FAM186A: variants seen among roughly 807,000 people sequenced by gnomAD.
FAM186A encodes protein FAM186A.
A neutral mutation model predicts 216.8 loss-of-function variants in FAM186A; 163 were observed. The observed-to-expected ratio is 0.75, with a 90% CI of 0.66 to 0.86. The LOEUF (loss-of-function observed/expected upper bound fraction) is 0.86, where lower values mean the gene tolerates loss of function less well. Ranked by LOEUF, FAM186A falls within the 40% of genes least tolerant of loss-of-function variation. The pLI is 0.00. For missense variants in FAM186A, 2,184 were observed against 2,746.2 expected (o/e 0.80, Z 4.58); for synonymous variants, 805 against 1,025.3 (o/e 0.79, Z 4.10).
chr12:50,374,718 G>A (rs185582460), intron 1 of FAM186A, among the ~76,000 whole-genome samples: 38 of 152,310 alleles, frequency 2.5e-4, no homozygotes, highest in Admixed American at 7.9e-4. Flanking sequence ...AACGTCTCAA[G>A]TGCTCTAAAG....
Position 50,351,568 on chromosome 12 carries a change from A to G in FAM186A, c.5264T>C (p.Val1755Ala). The change falls in exon 4 of 8, where the codon GTC (valine) becomes GCC (alanine). Residue 1755 changes from valine (V) to alanine (A), a missense_variant. Coordinates refer to ENST00000327337, the MANE Select transcript of FAM186A (RefSeq NM_001145475.3). Reference sequence around the variant, plus strand: ...TGATATCTGCAAAGGAGTAGAAGAGACCCCGAATATAGAGGACTTCTCAGC... The same window carrying G: ...TGATATCTGCAAAGGAGTAGAAGAGGCCCCGAATATAGAGGACTTCTCAGC... The part of the protein sequence containing the change: ...PTAEKSSIFG[V>A]SSTPLQISRV... 1 of 1,549,780 alleles carries G rather than the reference A, an allele frequency of 6.5e-7. No individual in the cohort carries two copies. The highest frequency in any genetic ancestry group is 1.2e-5 in the South Asian group (1 of 83,826).
At chr12:50,376,136 G>T (rs1943196075) in intron 1 of FAM186A, among the ~76,000 whole-genome samples, 2 of 152,162 alleles carry the variant, frequency 1.3e-5, no homozygotes, top group Admixed American at 6.6e-5. Flanking sequence ...ACTCAGTGGT[G>T]CCCAAAAGCT....
intron 1 of FAM186A, among the ~76,000 whole-genome samples, chr12:50,379,552 C>T (rs1008806235): frequency 6.6e-6 from 1 of 150,962 alleles, no homozygotes; most frequent in Non-Finnish European, 1.5e-5. Context: ...TTTGGGAGAC[C>T]GAGGCACGTG....
intron 1 of FAM186A, among the ~76,000 whole-genome samples, chr12:50,373,490 A>T (rs1360300025): frequency 6.6e-6 from 1 of 152,254 alleles, no homozygotes; most frequent in Admixed American, 6.5e-5. Context: ...TCATTCTTTG[A>T]TGTCAGCGTT....
rs539627610 is a variant in FAM186A, at chr12:50,362,379, A to C, written c.412+766T>G. Reference sequence around the variant, plus strand: ...CAAGTTCCCTAACTTCATACTGCTTACCTTCTGGTGAAAGGAGAGAGAGAA... The same window carrying C: ...CAAGTTCCCTAACTTCATACTGCTTCCCTTCTGGTGAAAGGAGAGAGAGAA... On this transcript the variant is annotated intron_variant, in intron 2 of 7. Coordinates refer to ENST00000327337, the MANE Select transcript of FAM186A (RefSeq NM_001145475.3). Among the ~76,000 whole-genome samples the C allele has an allele frequency of 3.3e-5, 5 of 152,352 alleles. No homozygotes were observed. In the East Asian group the frequency reaches 9.6e-4, roughly 29 times the overall value.
intron 1 of FAM186A, among the ~76,000 whole-genome samples, chr12:50,382,209 G>A (rs929490647): frequency 5.7e-5 from 8 of 141,282 alleles, no homozygotes; most frequent in Non-Finnish European, 1.2e-4. Flanking sequence ...TCACACCACT[G>A]CACTCCAGCC....
intron 5 of FAM186A, 68 bp downstream of exon 5, chr12:50,333,843 C>A: frequency 1.4e-6 from 2 of 1,412,058 alleles, no homozygotes; most frequent in South Asian, 1.4e-5. Context: ...AGGTAAATGT[C>A]ATTTACAAAG....
intron 5 of FAM186A, among the ~76,000 whole-genome samples, chr12:50,332,749 C>G (rs547932543): frequency 4.5e-4 from 69 of 152,146 alleles, no homozygotes; most frequent in African/African-American, 1.6e-3. Flanking sequence ...CTGTTCTGGG[C>G]CGGGCACGGT....
intron 2 of FAM186A, 40 bp from the exon 3 acceptor site, chr12:50,360,966 A>G: frequency 6.9e-7 from 1 of 1,453,396 alleles, no homozygotes; most frequent in Non-Finnish European, 9.3e-7. Context: ...TGTGCAGAAA[A>G]ATAAATAACT....
intron 1 of FAM186A, among the ~76,000 whole-genome samples, chr12:50,379,515 A>G (rs1302836656): frequency 1.3e-5 from 2 of 150,224 alleles, no homozygotes; most frequent in Non-Finnish European, 3.0e-5. Flanking sequence ...GGCCGGGCTC[A>G]GTGGCTGATG....
intron 1 of FAM186A, among the ~76,000 whole-genome samples, chr12:50,372,980 G>A (rs7970145): frequency 8.2e-5 from 7 of 85,002 alleles, no homozygotes; most frequent in Admixed American, 1.4e-4. Context: ...GGGACGGAGG[G>A]AGGAAGGAAG....
At chr12:50,366,905 TCAGGAGG>T (rs1451371768) in intron 1 of FAM186A, among the ~76,000 whole-genome samples, 1 of 152,010 alleles carries the variant, frequency 6.6e-6, no homozygotes. Context: ...TTACAGCTAG[TCAGGAGG>T]CTGAGGTGGG....
At position 50,355,241 on chromosome 12, in the gene FAM186A, T is replaced by C. The variant is rs1427861405; in HGVS notation, c.1591A>G (p.Lys531Glu). The change falls in exon 4 of 8, where the codon AAG becomes GAG. Residue 531 changes from lysine (K) to glutamate (E), a missense_variant. By Grantham distance (56) the Lys-to-Glu change is moderately conservative (BLOSUM62 1). This residue lies in a region of FAM186A where 1,132 missense variants were observed against 1,263.4 expected (regional missense o/e 0.90). Transcript: ENST00000327337. ...GTTCCACTTTTGCCACCTTGGCTCTTTGTTTCAGTTAAAGAGAGATGTTTT... is the reference window on the plus strand; with the variant it reads ...GTTCCACTTTTGCCACCTTGGCTCTCTGTTTCAGTTAAAGAGAGATGTTTT... ...KRKHLSLTETKSQGGKSGTSM... is the reference protein window; with the variant it reads ...KRKHLSLTETESQGGKSGTSM... 3 of 1,551,604 alleles carry C rather than the reference T, an allele frequency of 1.9e-6. No individual in the cohort carries two copies. Among genetic ancestry groups the C allele is most frequent in the Middle Eastern group, 1.7e-4 (1 of 6,014 alleles).
intron 1 of FAM186A, among the ~76,000 whole-genome samples, chr12:50,366,443 C>T (rs1200950077): frequency 6.6e-6 from 1 of 151,996 alleles, no homozygotes; most frequent in Non-Finnish European, 1.5e-5. Flanking sequence ...AATAAGAAAA[C>T]TAAATACAAA....
chr12:50,349,758 T>A (rs563554730), intron 4 of FAM186A, among the ~76,000 whole-genome samples: 1 of 152,240 alleles, frequency 6.6e-6, no homozygotes, highest in East Asian at 1.9e-4. Flanking sequence ...CAAGCGATTC[T>A]CCTGCCCTAG....
chr12:50,348,028 A>G (rs899681629), intron 4 of FAM186A, among the ~76,000 whole-genome samples: 2 of 142,732 alleles, frequency 1.4e-5, no homozygotes, highest in Admixed American at 1.5e-4. Context: ...GTGAGCCACA[A>G]TGCCTGGTAA....
intron 1 of FAM186A, among the ~76,000 whole-genome samples, chr12:50,394,265 A>T (rs1391349277): frequency 1.3e-5 from 2 of 152,110 alleles, no homozygotes; most frequent in Non-Finnish European, 2.9e-5. Flanking sequence ...TTTTAAAAGA[A>T]TATATAAAAT....
intron 1 of FAM186A, among the ~76,000 whole-genome samples, chr12:50,368,587 A>T (rs1943112826): frequency 6.6e-6 from 1 of 152,116 alleles, no homozygotes; most frequent in South Asian, 2.1e-4. Context: ...TGTCAATACT[A>T]CCCAAACCAA....
chr12:50,339,741 TACACACACAC>T (rs10611207), intron 4 of FAM186A, among the ~76,000 whole-genome samples: 70,496 of 148,406 alleles, frequency 0.48, 19,629 homozygotes, highest in Non-Finnish European at 0.63. Context: ...CAAAGTACTT[TACACACACAC>T]ACACACACAC....
Sources: gnomAD v4.1 joint callset for allele counts (sites outside exome capture counted in the v4.1 genomes callset) on GRCh38, gnomAD v4.1.1 for gene constraint, gnomAD v4.1.1 regional missense constraint, MANE v1.5 for transcripts, NCBI Gene and HGNC (gene_info 2026-07-23, HGNC 2026-07-21) for gene names.